Variants in GPHN observed in about 807,000 individuals in gnomAD.
GPHN encodes gephyrin.
In GPHN, 17 loss-of-function variants were observed where a neutral mutation model predicts 95.5. The observed-to-expected ratio is 0.18, with a 90% CI of 0.12 to 0.27. The LOEUF (loss-of-function observed/expected upper bound fraction) is 0.27. Among genes scored for constraint, GPHN ranks in the 10% least tolerant of loss-of-function variants. The pLI, the probability that GPHN is intolerant of heterozygous loss-of-function variation, is 1.00. For synonymous variants in GPHN, 320 were observed against 322.5 expected, an observed-to-expected ratio of 0.99 and a Z score of 0.08; for missense variants, 660 against 978.1, an observed-to-expected ratio of 0.67 and a Z score of 4.34.
chr14:66,697,297 T>C (rs2068162900), intron 2 of GPHN, among the ~76,000 whole-genome samples: 1 of 152,206 alleles, frequency 6.6e-6, no homozygotes, highest in African/African-American at 2.4e-5. Context: ...AATTCAGCAT[T>C]TATAATTTGC....
At chr14:66,900,296 T>C (rs1024009577) in intron 5 of GPHN, among the ~76,000 whole-genome samples, 1 of 152,008 alleles carries the variant, frequency 6.6e-6, no homozygotes, top group Non-Finnish European at 1.5e-5. Flanking sequence ...CATTTTGCTC[T>C]TTATCTAGTT....
intron 2 of GPHN, among the ~76,000 whole-genome samples, chr14:66,695,072 T>C (rs1050635151): frequency 6.6e-6 from 1 of 152,038 alleles, no homozygotes; most frequent in African/African-American, 2.4e-5. Flanking sequence ...GGCAGGAGAA[T>C]GGCTTGAACC....
At chr14:67,554,628 T>C in the GPHN span, among the ~76,000 whole-genome samples, 341 of 152,332 alleles carry the variant, frequency 2.2e-3, no homozygotes, top group African/African-American at 5.5e-3. Context: ...TGATGTCCAA[T>C]TGGGCAGCAC....
In GPHN at chr14:66,939,465, G is replaced by GA. The variant is rs993995298; in HGVS notation, c.828+15182dup. On this transcript the variant is annotated intron_variant, in intron 8 of 22. Transcript: ENST00000478722. ...AGGGCAGGATTTATTGGATGAAAAGGAAAAAAAAAGGGAAATTGGAACTCC... is the reference window on the plus strand; with the variant it reads ...AGGGCAGGATTTATTGGATGAAAAGGAAAAAAAAAAGGGAAATTGGAACTCC... Among the ~76,000 whole-genome samples, 119 of 149,824 alleles carry GA rather than the reference G, an allele frequency of 7.9e-4. 2 individuals carry two copies. In the East Asian group the frequency reaches 0.012, roughly 15 times the overall value.
chr14:67,276,625 T>A, the GPHN span, among the ~76,000 whole-genome samples: 1 of 152,140 alleles, frequency 6.6e-6, no homozygotes, highest in African/African-American at 2.4e-5. Flanking sequence ...TAGAACCTGT[T>A]AAGGAGATTG....
chr14:67,355,171 G>A, the GPHN span, among the ~76,000 whole-genome samples: 1 of 151,922 alleles, frequency 6.6e-6, no homozygotes, highest in East Asian at 1.9e-4. Context: ...GTATTAACAT[G>A]TTTTGATATC....
At chr14:66,766,600 A>G (rs184253068) in intron 2 of GPHN, among the ~76,000 whole-genome samples, 50 of 152,242 alleles carry the variant, frequency 3.3e-4, no homozygotes, top group Non-Finnish European at 5.6e-4. Context: ...CATGGTAAAA[A>G]TAACTGACAT....
intron 11 of GPHN, among the ~76,000 whole-genome samples, chr14:67,084,751 G>C (rs1209612647): frequency 6.6e-6 from 1 of 152,138 alleles, no homozygotes; most frequent in Non-Finnish European, 1.5e-5. Flanking sequence ...GATCAAAGAG[G>C]TAACATCTGA....
chr14:66,808,874 T>C (rs769442389), intron 3 of GPHN, among the ~76,000 whole-genome samples: 1 of 152,026 alleles, frequency 6.6e-6, no homozygotes, highest in Non-Finnish European at 1.5e-5. Flanking sequence ...CCAACCAGAG[T>C]GTCAAGGAAT....
chr14:67,051,088 TA>T (rs1168395492), intron 10 of GPHN, among the ~76,000 whole-genome samples: 25 of 139,654 alleles, frequency 1.8e-4, no homozygotes, highest in African/African-American at 6.5e-4. Flanking sequence ...ACCAAGTTCC[TA>T]GGGGAGGGGG....
intron 8 of GPHN, among the ~76,000 whole-genome samples, chr14:66,962,749 C>CT (rs939536183): frequency 2.0e-5 from 3 of 151,388 alleles, no homozygotes; most frequent in Admixed American, 6.6e-5. Flanking sequence ...CCCATATTTG[C>CT]TTTTTTTTAA....
chr14:66,660,086 T>A (rs7140447), intron 1 of GPHN, among the ~76,000 whole-genome samples: 46,980 of 151,656 alleles, frequency 0.31, 11,033 homozygotes, highest in African/African-American at 0.63. Flanking sequence ...TGGTTGTTTA[T>A]TGGTTACTCT....
At chr14:67,171,836 G>A (rs2082618538) in intron 21 of GPHN, among the ~76,000 whole-genome samples, 1 of 151,978 alleles carries the variant, frequency 6.6e-6, no homozygotes. Context: ...CCCCCAGCTG[G>A]ATCAGCTGGG....
At chr14:67,559,545 C>T in the GPHN span, 1 of 1,193,612 alleles carries the variant, frequency 8.4e-7, no homozygotes, top group Non-Finnish European at 1.2e-6. Flanking sequence ...GGGTTTCCCA[C>T]CTCCAGTCAG....
intron 3 of GPHN, among the ~76,000 whole-genome samples, chr14:66,790,696 G>T (rs538443322): frequency 1.3e-5 from 2 of 152,330 alleles, no homozygotes; most frequent in South Asian, 4.1e-4. Context: ...TGCACTGCCT[G>T]TGGCAGGGCG....
the GPHN span, among the ~76,000 whole-genome samples, chr14:67,633,646 T>A: frequency 1.2e-3 from 180 of 152,310 alleles, 2 homozygotes; most frequent in African/African-American, 4.2e-3. Context: ...GAGCACTAGA[T>A]CCAAAATGCA....
the GPHN span, chr14:67,387,110 C>T: frequency 2.5e-6 from 1 of 402,562 alleles, no homozygotes; most frequent in African/African-American, 2.1e-5. Context: ...GATGCTGACG[C>T]CTAATGGCTG....
At chr14:67,128,565 T>C (rs970109893) in intron 17 of GPHN, among the ~76,000 whole-genome samples, 3 of 152,214 alleles carry the variant, frequency 2.0e-5, no homozygotes, top group African/African-American at 4.8e-5. Flanking sequence ...GGTATTTATA[T>C]GTAGAAATAC....
At chr14:67,374,709 G>A in the GPHN span, 39 of 444,906 alleles carry the variant, frequency 8.8e-5, no homozygotes, top group Non-Finnish European at 7.9e-6. Flanking sequence ...TAAATTAACT[G>A]TGGGTGACTT....
Sources: allele counts gnomAD v4.1 joint callset (sites outside exome capture counted in the v4.1 genomes callset), GRCh38; gene constraint gnomAD v4.1.1; transcripts MANE v1.5; gene names NCBI Gene and HGNC (gene_info 2026-07-23, HGNC 2026-07-21).